PHF12: variants seen among roughly 807,000 people sequenced by gnomAD.
PHF12 encodes PHD factor 1.
In PHF12, 6 loss-of-function variants were observed where a neutral mutation model predicts 99.8. That is an observed-to-expected ratio of 0.06 (90% CI 0.03 to 0.12). The LOEUF is 0.12. PHF12 is among the 10% of genes least tolerant of loss of function. The probability of loss-of-function intolerance (pLI) is 1.00; values close to 1 mark genes in which losing one functional copy is unlikely to be tolerated. For synonymous variants in PHF12, 480 were observed against 514.9 expected, an observed-to-expected ratio of 0.93 and a Z score of 0.92; for missense variants, 954 against 1,300.1, an observed-to-expected ratio of 0.73 and a Z score of 4.09.
intron 2 of PHF12, among the ~76,000 whole-genome samples, chr17:28,940,448 A>G (rs1723474590): frequency 6.6e-6 from 1 of 152,220 alleles, no homozygotes; most frequent in Admixed American, 6.5e-5. Context: ...AATTGCATCA[A>G]TCTGCAAGGT....
chr17:28,913,209 C>T lies in PHF12; in HGVS notation c.1362G>A (p.Ser454=), dbSNP rs756284612. ...TCTCTGTCTGTTCAGAGTCCCAATG[C>T]GAAGGCATCTGCTTAGCAGATAAAT... The part of the protein sequence containing the change: ...LKHLSAKQMP[S]HWDSEQTEKA... The change falls in exon 9 of 15, where the codon TCG becomes TCA. Residue 454 remains serine (S), a synonymous_variant. Coordinates refer to ENST00000332830, the MANE Select transcript of PHF12 (RefSeq NM_001033561.2). 1.2e-5 allele frequency: 19 copies of T among 1,613,982 alleles called. No individual in the cohort carries two copies. The highest frequency in any genetic ancestry group is 4.4e-5 in the South Asian group (4 of 91,086).
intron 3 of PHF12, chr17:28,924,625 C>T (rs2152667312): frequency 2.6e-6 from 1 of 379,118 alleles, no homozygotes; most frequent in African/African-American, 2.1e-5. Flanking sequence ...AAAAAGGTAA[C>T]ACAGTGAGAA....
chr17:28,939,379 T>C (rs766978609), intron 2 of PHF12, among the ~76,000 whole-genome samples: 4 of 152,256 alleles, frequency 2.6e-5, no homozygotes, highest in Admixed American at 6.5e-5. Context: ...TATCGAACTA[T>C]GACAAGTTAC....
intron 2 of PHF12, among the ~76,000 whole-genome samples, chr17:28,932,425 C>T (rs907558331): frequency 6.6e-6 from 1 of 152,176 alleles, no homozygotes; most frequent in Non-Finnish European, 1.5e-5. Context: ...TGAGCCAACA[C>T]GCCTGGCTCA....
intron 2 of PHF12, among the ~76,000 whole-genome samples, chr17:28,928,837 C>T (rs1318949467): frequency 6.6e-6 from 1 of 152,064 alleles, no homozygotes; most frequent in African/African-American, 2.4e-5. Context: ...GTGGCTTACA[C>T]TTGTAATCCC....
intron 2 of PHF12, among the ~76,000 whole-genome samples, chr17:28,944,224 A>G (rs2152678816): frequency 6.6e-6 from 1 of 152,330 alleles, no homozygotes; most frequent in Non-Finnish European, 1.5e-5. Context: ...GTACTTAGTG[A>G]GCCTTAAGGA....
intron 3 of PHF12, 121 bp downstream of exon 3, chr17:28,926,870 A>T: frequency 6.4e-7 from 1 of 1,568,544 alleles, no homozygotes; most frequent in Non-Finnish European, 8.6e-7. Context: ...GGGTGATTCC[A>T]GGGCTGGAAG....
intron 7 of PHF12, among the ~76,000 whole-genome samples, chr17:28,915,585 G>T (rs1295476045): frequency 6.6e-6 from 1 of 152,174 alleles, no homozygotes; most frequent in East Asian, 1.9e-4. Flanking sequence ...GGAATGAGAG[G>T]AGGAGGAATA....
chr17:28,924,204 G>C lies in PHF12; in HGVS notation c.420C>G (p.Asp140Glu), dbSNP rs760467740. 13 of 1,614,214 alleles carry C rather than the reference G, an allele frequency of 8.1e-6. No individual in the cohort carries two copies. In the South Asian group the frequency reaches 1.4e-4, roughly 18 times the overall value. Residue 140 changes from aspartate (D) to glutamate (E), a missense_variant, in exon 4 of 15, where the codon GAC (aspartate) becomes GAG (glutamate). Around this residue, in one of 8 missense-constraint regions of PHF12, gnomAD observed 109 missense variants for 145.4 expected, o/e 0.75. Transcript: ENST00000332830. Reference sequence around the variant, plus strand: ...TTAGTTCAGTTTTGCTGGCCGATCTGTCCAACAAGTCAGTGTCACTGCTGG... The same window carrying C: ...TTAGTTCAGTTTTGCTGGCCGATCTCTCCAACAAGTCAGTGTCACTGCTGG... ...TSPSSDTDLLDRSASKTELKA... is the reference protein window; with the variant it reads ...TSPSSDTDLLERSASKTELKA...
At chr17:28,947,501 C>T (rs1249351421) in intron 2 of PHF12, among the ~76,000 whole-genome samples, 1 of 151,946 alleles carries the variant, frequency 6.6e-6, no homozygotes, top group Non-Finnish European at 1.5e-5. Context: ...TCCGTTGAAC[C>T]TGGGAGGTGG....
In PHF12 at chr17:28,906,128, G is replaced by T; in HGVS notation, c.*55C>A. 6.6e-7 allele frequency: 1 copy of T among 1,504,222 alleles called. No individual in the cohort carries two copies. The highest frequency in any genetic ancestry group is 2.1e-5 in the Admixed American group (1 of 47,308). 93.2% of individuals were successfully genotyped at this position (1,504,222 alleles called of 1,614,324 possible). On this transcript the variant is annotated 3_prime_UTR_variant, in exon 15 of 15. Transcript: ENST00000332830. The surrounding 1 kb of genome is among the most constrained non-coding windows in gnomAD (Gnocchi z 4.2). The stretch of plus-strand genomic sequence containing the variant: ...CCGGGCTTGGTTTGTGTACATTTTT[G>T]CATTGCAGGAGTCTTGGGTGGGTGT...
In PHF12 at chr17:28,949,362, C is replaced by T. The variant is rs1273346754; in HGVS notation, c.248+703G>A. Among the ~76,000 whole-genome samples the T allele has an allele frequency of 6.6e-6, 1 of 152,044 alleles. No individual in the cohort carries two copies. Among genetic ancestry groups the T allele is most frequent in the Non-Finnish European group, 1.5e-5 (1 of 68,000 alleles). On this transcript the variant is annotated intron_variant, in intron 2 of 14. Coordinates refer to ENST00000332830, the MANE Select transcript of PHF12 (RefSeq NM_001033561.2). This position sits in a 1 kb window ranked among gnomAD's most constrained non-coding sequence, Gnocchi z 4.6. Reference sequence around the variant, plus strand: ...GCTCTGAGAGGCAACAGGGGGCAAGCGGAGGCAGAGAAAGGGGATCAAAGC... The same window carrying T: ...GCTCTGAGAGGCAACAGGGGGCAAGTGGAGGCAGAGAAAGGGGATCAAAGC...
In PHF12 at chr17:28,912,497, G is replaced by A. The variant is rs758698566; in HGVS notation, c.2074C>T (p.Pro692Ser). 1 of 1,600,386 alleles carries A rather than the reference G, an allele frequency of 6.2e-7. No individual in the cohort carries two copies. Among genetic ancestry groups the A allele is most frequent in the Non-Finnish European group, 8.5e-7 (1 of 1,170,464 alleles). ...ATTANQRFSS[P>S]APSSDGKVSP... ...CAGCACTCACCTGACGATGGCGCTG[G>A]TGAGCTGAATCGTTGGTTGGCTGTT... Residue 692 changes from proline (P) to serine (S), a missense_variant, in exon 9 of 15, where the codon CCA (proline) becomes TCA (serine). Transcript: ENST00000332830.
chr17:28,923,740 A>G (rs2152666617), intron 4 of PHF12, among the ~76,000 whole-genome samples, 169 bp downstream of exon 4: 1 of 150,238 alleles, frequency 6.7e-6, no homozygotes, highest in South Asian at 2.1e-4. Context: ...TGGAAAACTG[A>G]GTAAGCTCTG....
chr17:28,942,614 G>C (rs2040639189), intron 2 of PHF12, among the ~76,000 whole-genome samples: 1 of 152,022 alleles, frequency 6.6e-6, no homozygotes, highest in African/African-American at 2.4e-5. Flanking sequence ...TCAGGAGTTT[G>C]AGACCAGCCT....
chr17:28,942,165 C>A (rs1026361765), intron 2 of PHF12, among the ~76,000 whole-genome samples: 1 of 152,142 alleles, frequency 6.6e-6, no homozygotes, highest in Admixed American at 6.5e-5. Flanking sequence ...CTGGAGCTCA[C>A]GGAAGAAACT....
chr17:28,912,112 A>AGGC, intron 9 of PHF12: 1 of 1,060,356 alleles, frequency 9.4e-7, no homozygotes, highest in Non-Finnish European at 1.1e-6. Context: ...GCAGAACCTC[A>AGGC]GGCTGATCAT....
In PHF12 at chr17:28,911,489, G is replaced by A. The variant is rs561511384; in HGVS notation, c.2090-252C>T. ...ACTGAAATCCACTGCTCTGGGGAAA[G>A]TGGTGGGGCAGCTTCATTCTTTGGG... On this transcript the variant is annotated intron_variant, in intron 9 of 14. Transcript: ENST00000332830. 6.7e-6 allele frequency: 3 copies of A among 450,638 alleles called. No homozygotes were observed. In the South Asian group the frequency reaches 9.4e-5, roughly 14 times the overall value. 27.9% of individuals were successfully genotyped at this position (450,638 alleles called of 1,614,324 possible).
At chr17:28,919,783 G>C (rs2040128782) in intron 5 of PHF12, among the ~76,000 whole-genome samples, 1 of 152,048 alleles carries the variant, frequency 6.6e-6, no homozygotes, top group East Asian at 1.9e-4. Flanking sequence ...AAAACAACAT[G>C]GATGGATTTG....
Sources: gnomAD v4.1 joint callset for allele counts (sites outside exome capture counted in the v4.1 genomes callset) on GRCh38, gnomAD v4.1.1 for gene constraint, gnomAD v4.1.1 regional missense constraint, Gnocchi (gnomAD v3.1) non-coding constraint, MANE v1.5 for transcripts, NCBI Gene and HGNC (gene_info 2026-07-23, HGNC 2026-07-21) for gene names.